CYSLTR2: variants seen among roughly 807,000 people sequenced by gnomAD.
The protein encoded by CYSLTR2 is cysteinyl leukotriene receptor 2, also known as G-protein coupled receptor GPCR21.
For synonymous variants in CYSLTR2, 179 were observed against 160.8 expected (o/e 1.11, Z -0.86); for missense variants, 398 against 411.9 (o/e 0.97, Z 0.29).
chr13:48,677,099 G>GT (rs1287876255), intron 1 of CYSLTR2, among the ~76,000 whole-genome samples: 12 of 152,232 alleles, frequency 7.9e-5, no homozygotes, highest in Admixed American at 3.3e-4. Flanking sequence ...GTCAGGAAAT[G>GT]GAAAACCATG....
chr13:48,705,858 G>T (rs964770463), intron 4 of CYSLTR2, among the ~76,000 whole-genome samples: 1 of 151,372 alleles, frequency 6.6e-6, no homozygotes. Flanking sequence ...ACAGCCTATT[G>T]TATTTACACA....
chr13:48,704,933 T>C (rs1285388181), intron 4 of CYSLTR2, among the ~76,000 whole-genome samples: 2 of 152,208 alleles, frequency 1.3e-5, no homozygotes, highest in East Asian at 3.8e-4. Flanking sequence ...TTGGGTGAAG[T>C]GTTTTATACA....
chr13:48,701,472 A>G (rs1954345472), intron 4 of CYSLTR2, among the ~76,000 whole-genome samples: 1 of 152,246 alleles, frequency 6.6e-6, no homozygotes. Flanking sequence ...CACCTTACAC[A>G]AAAATTAATT....
At chr13:48,674,339 A>G (rs569860337) in intron 1 of CYSLTR2, among the ~76,000 whole-genome samples, 70 of 151,938 alleles carry the variant, frequency 4.6e-4, no homozygotes, top group African/African-American at 1.7e-3. Flanking sequence ...TTTTTCTTTA[A>G]TCTTGTCTTC....
chr13:48,706,262 C>T (rs537506094), intron 4 of CYSLTR2, among the ~76,000 whole-genome samples: 2 of 152,326 alleles, frequency 1.3e-5, no homozygotes, highest in South Asian at 2.1e-4. Context: ...TCCCAAACTG[C>T]TGGGATTACG....
intron 1 of CYSLTR2, among the ~76,000 whole-genome samples, chr13:48,679,928 T>C (rs1184765522): frequency 6.6e-6 from 1 of 152,108 alleles, no homozygotes; most frequent in African/African-American, 2.4e-5. Context: ...GGGCAAATAG[T>C]ATACTCAGAA....
At chr13:48,706,780 C>A in intron 4 of CYSLTR2, 37 bp from the exon 5 acceptor site, 1 of 1,526,808 alleles carries the variant, frequency 6.5e-7, no homozygotes, top group Non-Finnish European at 8.9e-7. Context: ...GGGAAATTCA[C>A]AAAGTAACTT....
chr13:48,655,467 C>T (rs7331596), intron 1 of CYSLTR2, among the ~76,000 whole-genome samples: 4,211 of 152,240 alleles, frequency 0.028, 97 homozygotes, highest in Non-Finnish European at 0.046. Context: ...GCCAGGGCTG[C>T]GTTCTGGTTT....
In CYSLTR2 at chr13:48,707,324, C is replaced by A; in HGVS notation, c.507C>A (p.Ser169=). ...TCATATGGATCCTTATCATGGCTTC[C>A]TCAATAATGCTCCTGGACAGTGGCT... ...CGIIWILIMA[S]SIMLLDSGSE... The change falls in exon 5 of 5, where the codon TCC becomes TCA. Residue 169 remains serine (S), a synonymous_variant. Transcript: ENST00000682523. 1.2e-6 allele frequency: 2 copies of A among 1,614,076 alleles called. No individual in the cohort carries two copies. Among genetic ancestry groups the A allele is most frequent in the Non-Finnish European group, 1.7e-6 (2 of 1,180,042 alleles).
At chr13:48,694,264 C>A (rs1290077118) in intron 3 of CYSLTR2, among the ~76,000 whole-genome samples, 1 of 152,190 alleles carries the variant, frequency 6.6e-6, no homozygotes, top group Non-Finnish European at 1.5e-5. Context: ...CAAAGTTTAT[C>A]CAAAGGCCAA....
chr13:48,655,698 C>T (rs2138789092), intron 1 of CYSLTR2, among the ~76,000 whole-genome samples: 1 of 152,308 alleles, frequency 6.6e-6, no homozygotes, highest in Middle Eastern at 3.4e-3. Context: ...AACATGTTTA[C>T]AGGCATCAGT....
At chr13:48,683,036 G>A (rs186132858) in intron 1 of CYSLTR2, among the ~76,000 whole-genome samples, 34 of 152,200 alleles carry the variant, frequency 2.2e-4, no homozygotes, top group African/African-American at 7.7e-4. Flanking sequence ...AGCTCCATCC[G>A]TGTTCCTGCA....
chr13:48,706,272 G>A (rs748516048), intron 4 of CYSLTR2, among the ~76,000 whole-genome samples: 7 of 152,124 alleles, frequency 4.6e-5, no homozygotes, highest in African/African-American at 7.2e-5. Context: ...CTGGGATTAC[G>A]GGCGTGAGCC....
At chr13:48,675,309 G>A (rs1024722558) in intron 1 of CYSLTR2, among the ~76,000 whole-genome samples, 7 of 152,166 alleles carry the variant, frequency 4.6e-5, no homozygotes, top group African/African-American at 1.4e-4. Context: ...CCTAACAGGG[G>A]CTTCTGCCTT....
intron 4 of CYSLTR2, among the ~76,000 whole-genome samples, chr13:48,698,493 G>T (rs1255784965): frequency 6.6e-6 from 1 of 152,158 alleles, no homozygotes; most frequent in African/African-American, 2.4e-5. Flanking sequence ...TCACCACCAA[G>T]CCTGCCTTAC....
chr13:48,679,651 C>T lies in CYSLTR2; in HGVS notation c.-265-11561C>T, dbSNP rs555787596. Among the ~76,000 whole-genome samples, 3 of 152,256 alleles carry T rather than the reference C, an allele frequency of 2.0e-5. No individual in the cohort carries two copies. In the South Asian group the frequency reaches 6.2e-4, roughly 32 times the overall value. On this transcript the variant is annotated intron_variant, in intron 1 of 4. Transcript: ENST00000682523. ...GTTTGAGGACTAATTGAGTTAATAG[C>T]ATAAGGAGCATAGCAGAGTGCCCGG...
chr13:48,660,905 C>T (rs116477249), intron 1 of CYSLTR2, among the ~76,000 whole-genome samples: 1 of 152,194 alleles, frequency 6.6e-6, no homozygotes, highest in African/African-American at 2.4e-5. Flanking sequence ...AAATGTGTTG[C>T]AGAATCCTCT....
intron 1 of CYSLTR2, among the ~76,000 whole-genome samples, chr13:48,690,067 G>GA (rs1953999815): frequency 6.6e-6 from 1 of 152,000 alleles, no homozygotes; most frequent in African/African-American, 2.4e-5. Flanking sequence ...GTTTATTATT[G>GA]GTGTATAGGA....
At chr13:48,678,772 C>T (rs142207750) in intron 1 of CYSLTR2, among the ~76,000 whole-genome samples, 2 of 152,108 alleles carry the variant, frequency 1.3e-5, no homozygotes, top group African/African-American at 2.4e-5. Flanking sequence ...CTGAGAGGAA[C>T]CTTGACTTCC....
Sources: gnomAD v4.1 joint callset for allele counts (sites outside exome capture counted in the v4.1 genomes callset) on GRCh38, gnomAD v4.1.1 for gene constraint, MANE v1.5 for transcripts, NCBI Gene and HGNC (gene_info 2026-07-23, HGNC 2026-07-21) for gene names.